Variants in RGS22 observed in about 807,000 individuals in gnomAD.
The protein encoded by RGS22 is regulator of G-protein signaling 22.
Under a neutral mutation model 172.9 loss-of-function variants are expected in RGS22, and 148 were observed. That is an observed-to-expected ratio of 0.86 (90% CI 0.75 to 0.98). The LOEUF (loss-of-function observed/expected upper bound fraction) is 0.98. RGS22 is among the 50% of genes least tolerant of loss of function. The probability of loss-of-function intolerance (pLI) is 0.00; values close to 1 mark genes in which losing one functional copy is unlikely to be tolerated. For synonymous variants in RGS22, 458 were observed against 480.2 expected (o/e 0.95, Z 0.60); for missense variants, 1,347 against 1,440.8 (o/e 0.93, Z 1.05).
intron 2 of RGS22, 134 bp from the exon 3 acceptor site, chr8:100,093,643 C>G: frequency 1.6e-6 from 1 of 612,350 alleles, no homozygotes; most frequent in South Asian, 2.4e-5. Flanking sequence ...AACAGTGAAC[C>G]CTCACTATAA....
At chr8:100,040,978 G>A (rs1820039014) in intron 12 of RGS22, among the ~76,000 whole-genome samples, 2 of 151,892 alleles carry the variant, frequency 1.3e-5, no homozygotes, top group South Asian at 4.2e-4. Flanking sequence ...CATTATTTTA[G>A]TAGAAAAAAA....
chr8:100,020,596 C>T (rs916482519), intron 14 of RGS22, among the ~76,000 whole-genome samples: 1 of 152,182 alleles, frequency 6.6e-6, no homozygotes, highest in Non-Finnish European at 1.5e-5. Flanking sequence ...ACTTCTCTTC[C>T]TCCCTTATAA....
At chr8:100,098,854 A>ATTATT (rs1813208168) in intron 2 of RGS22, among the ~76,000 whole-genome samples, 2 of 21,512 alleles carry the variant, frequency 9.3e-5, no homozygotes, top group African/African-American at 2.5e-4. Flanking sequence ...TATTTATTTT[A>ATTATT]TTATTTTATT....
At chr8:100,044,738 T>C (rs1330460738) in intron 11 of RGS22, among the ~76,000 whole-genome samples, 1 of 151,736 alleles carries the variant, frequency 6.6e-6, no homozygotes, top group Non-Finnish European at 1.5e-5. Flanking sequence ...CTGCTCCTTC[T>C]CTCTCTCATG....
intron 10 of RGS22, among the ~76,000 whole-genome samples, chr8:100,050,015 C>A (rs1821112612): frequency 6.7e-6 from 1 of 149,276 alleles, no homozygotes; most frequent in Admixed American, 6.8e-5. Context: ...TGCCATTGCA[C>A]TCCAGCCTGG....
At chr8:100,003,308 A>T (rs886267111) in intron 17 of RGS22, among the ~76,000 whole-genome samples, 27 of 151,922 alleles carry the variant, frequency 1.8e-4, no homozygotes, top group African/African-American at 4.8e-4. Context: ...CACAAAAATT[A>T]AAAAAATTAA....
intron 23 of RGS22, among the ~76,000 whole-genome samples, chr8:99,976,596 T>C (rs1032581610): frequency 4.6e-5 from 7 of 152,182 alleles, no homozygotes; most frequent in South Asian, 4.2e-4. Flanking sequence ...TTCCTGACTT[T>C]GTGATCCGCC....
chr8:100,046,709 C>T (rs192970868), intron 11 of RGS22, among the ~76,000 whole-genome samples: 3 of 151,070 alleles, frequency 2.0e-5, no homozygotes, highest in Non-Finnish European at 4.4e-5. Flanking sequence ...CAGCCAAAAC[C>T]CAGAGAATAA....
At chr8:99,980,222 G>A (rs1812405222) in intron 22 of RGS22, among the ~76,000 whole-genome samples, 1 of 152,190 alleles carries the variant, frequency 6.6e-6, no homozygotes, top group Non-Finnish European at 1.5e-5. Flanking sequence ...GTGTGAGCCA[G>A]TGTGCTGCAC....
chr8:100,105,490 C>G (rs1379636176), intron 1 of RGS22, 88 bp from the exon 2 acceptor site: 1 of 1,086,004 alleles, frequency 9.2e-7, no homozygotes, highest in Non-Finnish European at 1.4e-6. Context: ...CCTAGCCCTA[C>G]GTTATACACA....
chr8:99,974,937 C>T (rs576476111), intron 23 of RGS22, among the ~76,000 whole-genome samples: 1 of 151,824 alleles, frequency 6.6e-6, no homozygotes, highest in African/African-American at 2.4e-5. Flanking sequence ...TACTTGAGGT[C>T]AAGAGTTTGA....
intron 20 of RGS22, among the ~76,000 whole-genome samples, chr8:99,990,512 C>T (rs1243599679): frequency 6.6e-6 from 1 of 152,150 alleles, no homozygotes; most frequent in African/African-American, 2.4e-5. Context: ...CTGCAACATT[C>T]TTGGCATGCA....
At chr8:100,047,668 T>C in intron 10 of RGS22, 72 bp from the exon 11 acceptor site, 1 of 1,354,630 alleles carries the variant, frequency 7.4e-7, no homozygotes, top group Non-Finnish European at 9.8e-7. Flanking sequence ...ATACCTCAAA[T>C]TTGTTCTCAT....
At chr8:100,094,334 AATAT>A (rs1812802272) in intron 2 of RGS22, among the ~76,000 whole-genome samples, 1 of 146,048 alleles carries the variant, frequency 6.8e-6, no homozygotes, top group East Asian at 2.0e-4. Flanking sequence ...GAAAGTTCAC[AATAT>A]GACACAATGC....
intron 4 of RGS22, among the ~76,000 whole-genome samples, chr8:100,076,569 TGAAGCCATCTGG>T (rs1322863755): frequency 1.3e-5 from 2 of 152,252 alleles, no homozygotes; most frequent in East Asian, 3.8e-4. Context: ...AATTAACCAG[TGAAGCCATCTGG>T]GCCTGGAGTT....
intron 20 of RGS22, among the ~76,000 whole-genome samples, chr8:99,989,699 G>T (rs1813474593): frequency 6.6e-6 from 1 of 152,126 alleles, no homozygotes; most frequent in Non-Finnish European, 1.5e-5. Flanking sequence ...CAAAAAATAA[G>T]CCAGGTGTGG....
chr8:100,063,617 C>G lies in RGS22; in HGVS notation c.1151G>C (p.Ser384Thr). The G allele has an allele frequency of 6.2e-7, 1 of 1,614,098 alleles. No individual in the cohort carries two copies. Among genetic ancestry groups the G allele is most frequent in the South Asian group, 1.1e-5 (1 of 91,082 alleles). ...KERSEEIEQT[S>T]LSSKNESAGP... Reference sequence around the variant, plus strand: ...AGCGCTCTCATTCTTTGAACTTAAACTTGTTTGTTCTATCTCTTCTGACCT... The same window carrying G: ...AGCGCTCTCATTCTTTGAACTTAAAGTTGTTTGTTCTATCTCTTCTGACCT... The change falls in exon 8 of 28, where the codon AGT becomes ACT. Residue 384 changes from serine (S) to threonine (T), a missense_variant. Ser to Thr is a moderately conservative substitution (Grantham distance 58). Transcript: ENST00000360863.
Position 99,978,062 on chromosome 8 carries a change from C to A in RGS22, c.3374G>T (p.Gly1125Val). The change falls in exon 23 of 28, where the codon GGG becomes GTG. Residue 1125 changes from glycine (G) to valine (V), a missense_variant. Gly to Val is a moderately radical substitution (Grantham distance 109, BLOSUM62 -3). Transcript: ENST00000360863. ...CTGAGGCCAGAATTTAAACAGAACCCCAAAAATTGTCATCTGTATAAAAAA... is the reference window on the plus strand; with the variant it reads ...CTGAGGCCAGAATTTAAACAGAACCACAAAAATTGTCATCTGTATAAAAAA... Reference protein sequence around the residue: ...VFREAQMTIFGVLFKFWPQFC... With the variant: ...VFREAQMTIFVVLFKFWPQFC... 6.6e-7 allele frequency: 1 copy of A among 1,509,370 alleles called. No homozygotes were observed. Among genetic ancestry groups the A allele is most frequent in the Non-Finnish European group, 8.8e-7 (1 of 1,139,666 alleles). The allele number at this position is 1,509,370 out of a possible 1,614,324, so 93.5% of individuals were successfully genotyped here. A position where few individuals can be genotyped will look rare whatever the true frequency, so the allele number is the denominator to read the frequency against.
chr8:100,044,325 C>A (rs185685485), intron 11 of RGS22, among the ~76,000 whole-genome samples: 22 of 152,364 alleles, frequency 1.4e-4, no homozygotes, highest in Middle Eastern at 6.8e-3. Context: ...GGGCTCACTG[C>A]AACCTCTGCC....
Sources: gnomAD v4.1 joint callset for allele counts (sites outside exome capture counted in the v4.1 genomes callset) on GRCh38, gnomAD v4.1.1 for gene constraint, MANE v1.5 for transcripts, NCBI Gene and HGNC (gene_info 2026-07-23, HGNC 2026-07-21) for gene names.